The following MGA variants were observed in gnomAD, a reference collection of about 807,000 sequenced individuals.
MGA encodes the protein MAX gene-associated protein.
Under a neutral mutation model 261.1 loss-of-function variants are expected in MGA, and 40 were observed. The ratio of observed to expected loss-of-function variants is 0.15; its 90% CI spans 0.12 to 0.20. MGA has a LOEUF of 0.20. Among genes scored for constraint, MGA ranks in the 10% least tolerant of loss-of-function variants. MGA has a pLI of 1.00. For synonymous variants in MGA, 1,302 were observed against 1,290.6 expected, an observed-to-expected ratio of 1.01 and a Z score of -0.19; for missense variants, 3,397 against 3,630.5, an observed-to-expected ratio of 0.94 and a Z score of 1.65.
At chr15:41,716,254 T>C (rs905361450) in intron 9 of MGA, among the ~76,000 whole-genome samples, 2 of 151,518 alleles carry the variant, frequency 1.3e-5, no homozygotes, top group African/African-American at 4.9e-5. Context: ...GAGACTGTCC[T>C]GGCTAACACG....
Position 41,623,759 on chromosome 15 carries a change from T to TTA in MGA, c.-68+2477_-68+2478dup, listed in dbSNP as rs1273006385. 3.1e-4 allele frequency among the ~76,000 whole-genome samples: 42 copies of TTA among 133,532 alleles called. 1 individual carries two copies. Among genetic ancestry groups the TTA allele is most frequent in the Middle Eastern group, 3.8e-3 (1 of 264 alleles). The allele number at this position is 133,532 out of a possible 152,430, so 87.6% of individuals were successfully genotyped here. On this transcript the variant is annotated intron_variant, in intron 1 of 8. Transcript: ENST00000566718. ...AAAAAAAAGAATCTAGGTGAATTAT[T>TTA]TATATATATATATATATTTTTTTTT...
Position 41,669,916 on chromosome 15 carries a change from C to G in MGA, c.1022C>G (p.Ala341Gly). Residue 341 changes from alanine (A) to glycine (G), a missense_variant, in exon 2 of 24, where the codon GCA becomes GGA. Physicochemically the swap from Ala to Gly is moderately conservative, Grantham distance 60. Coordinates refer to ENST00000219905, the MANE Select transcript of MGA (RefSeq NM_001164273.2). ...CTTGGTTTCATGGATACTGATTCAG[C>G]ACTTAGTGAAGTTCCTCAATTGAAG... 6.2e-7 allele frequency: 1 copy of G among 1,613,774 alleles called. No homozygotes were observed. Among genetic ancestry groups the G allele is most frequent in the Non-Finnish European group, 8.5e-7 (1 of 1,179,804 alleles).
Position 41,754,550 on chromosome 15 carries a change from A to G in MGA, c.7122A>G (p.Thr2374=). 6.3e-7 allele frequency: 1 copy of G among 1,581,886 alleles called. No homozygotes were observed. Among genetic ancestry groups the G allele is most frequent in the Non-Finnish European group, 8.6e-7 (1 of 1,164,840 alleles). The change falls in exon 18 of 24, where the codon ACA becomes ACG. Residue 2374 remains threonine, a synonymous_variant. Coordinates refer to ENST00000219905, the MANE Select transcript of MGA (RefSeq NM_001164273.2). ...ACCTGAAGACCACAGCGGCCCACAC[A>G]CAGTCATTCAAACAGCCGTAAGTCT...
intron 17 of MGA, chr15:41,751,069 C>A (rs1953818114): frequency 6.5e-6 from 1 of 153,270 alleles, no homozygotes; most frequent in South Asian, 2.0e-4. Flanking sequence ...TGGAGAAAAA[C>A]TGGAAAATAC....
intron 15 of MGA, among the ~76,000 whole-genome samples, chr15:41,746,238 T>C (rs1052949941): frequency 1.3e-5 from 2 of 152,188 alleles, no homozygotes; most frequent in Admixed American, 6.5e-5. Flanking sequence ...ATTTGTTTCT[T>C]AATTCACGTA....
chr15:41,683,971 T>C (rs1053499254), intron 2 of MGA, among the ~76,000 whole-genome samples: 1 of 152,118 alleles, frequency 6.6e-6, no homozygotes, highest in Non-Finnish European at 1.5e-5. Context: ...GTGCAGGATG[T>C]GCAGGTTAGT....
chr15:41,636,800 C>T (rs1039214427), intron 1 of MGA, among the ~76,000 whole-genome samples: 1 of 152,120 alleles, frequency 6.6e-6, no homozygotes, highest in African/African-American at 2.4e-5. Context: ...ATCCACCTAC[C>T]TCAGCCTCCC....
At chr15:41,758,327 G>A (rs1407645166) in intron 19 of MGA, among the ~76,000 whole-genome samples, 3 of 152,038 alleles carry the variant, frequency 2.0e-5, no homozygotes, top group African/African-American at 7.2e-5. Flanking sequence ...TAGGCATGGA[G>A]GAGAGTTTGG....
At chr15:41,762,772 A>G (rs2063556752) in intron 22 of MGA, among the ~76,000 whole-genome samples, 1 of 151,924 alleles carries the variant, frequency 6.6e-6, no homozygotes, top group Admixed American at 6.6e-5. Context: ...CCCAGCCCAC[A>G]GTTTTAGTTT....
At chr15:41,761,693 A>AGAAAGAGTG (rs745544631) in intron 20 of MGA, 46 bp from the exon 21 acceptor site, 11 of 1,272,608 alleles carry the variant, frequency 8.6e-6, no homozygotes, top group Non-Finnish European at 1.1e-5. Flanking sequence ...CTGTGTTTAA[A>AGAAAGAGTG]GAAAGAGTGG....
At chr15:41,719,386 G>A (rs2060821001) in intron 9 of MGA, among the ~76,000 whole-genome samples, 1 of 152,102 alleles carries the variant, frequency 6.6e-6, no homozygotes, top group East Asian at 1.9e-4. Flanking sequence ...ATAGAAATTG[G>A]CAAGTTTCTA....
At chr15:41,727,511 T>A in intron 10 of MGA, 105 bp downstream of exon 10, 1 of 1,057,090 alleles carries the variant, frequency 9.5e-7, no homozygotes, top group African/African-American at 1.6e-5. Context: ...CATTTTGCTT[T>A]CAGTAATATG....
chr15:41,698,293 C>T (rs532714807), intron 3 of MGA, among the ~76,000 whole-genome samples: 183 of 151,698 alleles, frequency 1.2e-3, no homozygotes, highest in African/African-American at 4.3e-3. Context: ...CTCAGCCTCC[C>T]GAGTAGCTGG....
At position 41,713,383 on chromosome 15, in the gene MGA, G is replaced by A. The variant is rs1222351854; in HGVS notation, c.3317G>A (p.Arg1106Gln). 8 of 1,609,214 alleles carry A rather than the reference G, an allele frequency of 5.0e-6. No individual in the cohort carries two copies. The highest frequency in any genetic ancestry group is 5.9e-6 in the Non-Finnish European group (7 of 1,177,654). The change falls in exon 9 of 24, where the codon CGA becomes CAA. Residue 1106 changes from arginine (R) to glutamine (Q), a missense_variant. Arg to Gln is a conservative substitution (Grantham distance 43). Coordinates refer to ENST00000219905, the MANE Select transcript of MGA (RefSeq NM_001164273.2). ...CATTTTCAGAGGAAGGCTGCTCATC[G>A]AGATCCAGTATTTTATGATACTCTG...
intron 2 of MGA, among the ~76,000 whole-genome samples, chr15:41,672,866 G>GCACACACA (rs5812197): frequency 0.023 from 3,453 of 150,390 alleles, 57 homozygotes; most frequent in Non-Finnish European, 0.033. Context: ...ACATGCGTGT[G>GCACACACA]CACACACACA....
intron 1 of MGA, among the ~76,000 whole-genome samples, chr15:41,668,291 A>T (rs1171886131): frequency 6.6e-6 from 1 of 152,182 alleles, no homozygotes; most frequent in Non-Finnish European, 1.5e-5. Context: ...AAACGTGTGT[A>T]CTAAGAAGTT....
chr15:41,669,020 T>A lies in MGA; in HGVS notation c.126T>A (p.Val42=). ...GCAAAACTGATCAAGGAATTTTGGTTACTAATCAGGATGCCTGTGCTTTGG... is the reference window on the plus strand; with the variant it reads ...GCAAAACTGATCAAGGAATTTTGGTAACTAATCAGGATGCCTGTGCTTTGG... Residue 42 remains valine, a synonymous_variant, in exon 2 of 24, where the codon GTT becomes GTA. Coordinates refer to ENST00000219905, the MANE Select transcript of MGA (RefSeq NM_001164273.2). 1 of 1,613,684 alleles carries A rather than the reference T, an allele frequency of 6.2e-7. No homozygotes were observed. Among genetic ancestry groups the A allele is most frequent in the Non-Finnish European group, 8.5e-7 (1 of 1,179,612 alleles).
intron 3 of MGA, among the ~76,000 whole-genome samples, chr15:41,698,541 G>C (rs1167229583): frequency 1.3e-5 from 2 of 152,166 alleles, no homozygotes; most frequent in African/African-American, 4.8e-5. Flanking sequence ...CTTGTTAGCT[G>C]AGTAAGCTAT....
At chr15:41,674,550 T>C (rs1253980739) in intron 2 of MGA, among the ~76,000 whole-genome samples, 1 of 152,026 alleles carries the variant, frequency 6.6e-6, no homozygotes, top group East Asian at 1.9e-4. Flanking sequence ...GACAGAGTCT[T>C]GCTGTGTCAC....
Sources: gnomAD v4.1 joint callset for allele counts (sites outside exome capture counted in the v4.1 genomes callset) on GRCh38, gnomAD v4.1.1 for gene constraint, MANE v1.5 for transcripts, NCBI Gene and HGNC (gene_info 2026-07-23, HGNC 2026-07-21) for gene names.